The following ZAP70 variants were observed in gnomAD, a reference collection of about 807,000 sequenced individuals.
ZAP70 encodes tyrosine-protein kinase ZAP-70.
Under a neutral mutation model 65.8 loss-of-function variants are expected in ZAP70, and 27 were observed. That is an observed-to-expected ratio of 0.41 (90% CI 0.30 to 0.57). ZAP70 has a LOEUF of 0.57. Among genes scored for constraint, ZAP70 ranks in the 20% least tolerant of loss-of-function variants. The probability of loss-of-function intolerance (pLI) is 0.28; values close to 1 mark genes in which losing one functional copy is unlikely to be tolerated. For synonymous variants in ZAP70, 363 were observed against 360.8 expected (o/e 1.01, Z -0.07); for missense variants, 696 against 870.5 (o/e 0.80, Z 2.52).
chr2:97,723,944 C>T, intron 2 of ZAP70, 72 bp from the exon 3 acceptor site: 1 of 1,502,254 alleles, frequency 6.7e-7, no homozygotes, highest in Non-Finnish European at 8.9e-7. Flanking sequence ...GCGTCTCTCG[C>T]GCCGTCTTTG....
In ZAP70 at chr2:97,729,035, G is replaced by A. The variant is rs950021867; in HGVS notation, c.563+3783G>A. ...CCCAAATTGCTGGGATCACAGGCGTGAGCCACCGCGCCTGGCCTGTCAAGT... is the reference window on the plus strand; with the variant it reads ...CCCAAATTGCTGGGATCACAGGCGTAAGCCACCGCGCCTGGCCTGTCAAGT... On this transcript the variant is annotated intron_variant, in intron 4 of 13. Coordinates refer to ENST00000264972, the MANE Select transcript of ZAP70 (RefSeq NM_001079.4). 2.0e-5 allele frequency among the ~76,000 whole-genome samples: 3 copies of A among 152,220 alleles called. No individual in the cohort carries two copies. In the East Asian group the frequency reaches 5.8e-4, roughly 29 times the overall value.
Position 97,724,224 on chromosome 2 carries a change from G to T in ZAP70, c.188G>T (p.Arg63Leu), listed in dbSNP as rs1313032320. The change falls in exon 3 of 14, where the codon CGC becomes CTC. Residue 63 changes from arginine (R) to leucine (L), a missense_variant. This residue lies in a region of ZAP70 where 551 missense variants were observed against 630.0 expected (regional missense o/e 0.87). Coordinates refer to ENST00000264972, the MANE Select transcript of ZAP70 (RefSeq NM_001079.4). ...DVRFHHFPIERQLNGTYAIAG... is the reference protein window; with the variant it reads ...DVRFHHFPIELQLNGTYAIAG... ...CGCTTCCACCACTTTCCCATCGAGC[G>T]CCAGCTCAACGGCACCTACGCCATT... The T allele has an allele frequency of 3.7e-6, 6 of 1,601,624 alleles. No homozygotes were observed. Among genetic ancestry groups the T allele is most frequent in the Non-Finnish European group, 4.3e-6 (5 of 1,175,678 alleles).
At chr2:97,733,671 GT>G in intron 8 of ZAP70, 76 bp downstream of exon 8, 1 of 1,587,082 alleles carries the variant, frequency 6.3e-7, no homozygotes. Context: ...GGGCTGTGGG[GT>G]TTCACGGGGG....
Position 97,733,123 on chromosome 2 carries a change from A to G in ZAP70, c.703-2A>G. 6.2e-7 allele frequency: 1 copy of G among 1,613,982 alleles called. No individual in the cohort carries two copies. The highest frequency in any genetic ancestry group is 8.5e-7 in the Non-Finnish European group (1 of 1,180,018). On this transcript the variant is annotated splice_acceptor_variant, in intron 5 of 13. Transcript: ENST00000264972. LOFTEE classifies it high-confidence loss of function. ...TCTCTGCTAGCTGCCTGCTCCCTGC[A>G]GCTGGTGGAGTATCTGAAGCTGAAG...
intron 2 of ZAP70, among the ~76,000 whole-genome samples, chr2:97,719,063 G>T (rs1677059793): frequency 6.6e-6 from 1 of 152,160 alleles, no homozygotes; most frequent in East Asian, 1.9e-4. Flanking sequence ...AGCCATTAGG[G>T]TCTTGAGCAA....
chr2:97,753,888 C>A, the ZAP70 span, among the ~76,000 whole-genome samples: 1 of 152,164 alleles, frequency 6.6e-6, no homozygotes, highest in Non-Finnish European at 1.5e-5. Context: ...ACCTGGGAGA[C>A]TGAGGTGGGA....
At chr2:97,740,221 G>T (rs1459600876), downstream of ZAP70, among the ~76,000 whole-genome samples, 4 of 152,020 alleles carry the variant, frequency 2.6e-5, no homozygotes, top group Non-Finnish European at 5.9e-5. Flanking sequence ...CCCCCCCAGG[G>T]GTGCCTTGCA....
In ZAP70 at chr2:97,718,515, C is replaced by T. The variant is rs574223194; in HGVS notation, c.-22+4521C>T. The stretch of plus-strand genomic sequence containing the variant: ...GGTGGAAGAGGAGGCGCCCACCACC[C>T]GACCTGTGTGTGTGGGGTGGTGCTT... On this transcript the variant is annotated intron_variant, in intron 2 of 13. Transcript: ENST00000264972. Among the ~76,000 whole-genome samples, 52 of 152,216 alleles carry T rather than the reference C, an allele frequency of 3.4e-4. 1 individual carries two copies. The highest frequency in any genetic ancestry group is 3.4e-3 in the Middle Eastern group (1 of 294).
downstream of ZAP70, among the ~76,000 whole-genome samples, chr2:97,740,198 G>T (rs1678089983): frequency 6.6e-6 from 1 of 152,166 alleles, no homozygotes; most frequent in South Asian, 2.1e-4. Flanking sequence ...CCCCCATCCA[G>T]CTGGGGTCTT....
At chr2:97,741,394 C>T (rs996201023), downstream of ZAP70, among the ~76,000 whole-genome samples, 16 of 152,198 alleles carry the variant, frequency 1.1e-4, no homozygotes, top group Non-Finnish European at 2.1e-4. Flanking sequence ...AAAGCTCTCC[C>T]CGTCCCCACC....
intron 8 of ZAP70, chr2:97,733,862 G>A: frequency 1.7e-6 from 1 of 576,122 alleles, no homozygotes; most frequent in Non-Finnish European, 3.1e-6. Flanking sequence ...CCTACTATGT[G>A]TCAGTCACGT....
At chr2:97,755,012 A>G in the ZAP70 span, among the ~76,000 whole-genome samples, 24 of 152,376 alleles carry the variant, frequency 1.6e-4, no homozygotes, top group Non-Finnish European at 2.6e-4. Context: ...ATCACGCCAA[A>G]TAACATTTTG....
At chr2:97,755,605 C>CCAT in the ZAP70 span, among the ~76,000 whole-genome samples, 2 of 152,206 alleles carry the variant, frequency 1.3e-5, no homozygotes, top group East Asian at 1.9e-4. Context: ...TGTCTCCAAG[C>CCAT]CATCATTTAG....
chr2:97,714,412 AG>A (rs1342900055), intron 2 of ZAP70, among the ~76,000 whole-genome samples: 3 of 152,232 alleles, frequency 2.0e-5, no homozygotes, highest in Non-Finnish European at 4.4e-5. Flanking sequence ...AGTCCAGGGC[AG>A]GCTTGAGCCA....
intron 2 of ZAP70, among the ~76,000 whole-genome samples, chr2:97,716,389 A>C (rs1451229511): frequency 2.0e-5 from 3 of 152,064 alleles, no homozygotes; most frequent in Non-Finnish European, 4.4e-5. Context: ...CAAAGGCTCC[A>C]CTCCCGTGGT....
intron 4 of ZAP70, among the ~76,000 whole-genome samples, chr2:97,727,166 T>A (rs991656965): frequency 6.6e-6 from 1 of 152,266 alleles, no homozygotes; most frequent in Non-Finnish European, 1.5e-5. Context: ...TTGTGTAATG[T>A]CACTGATGTC....
At chr2:97,754,408 CTTTT>C in the ZAP70 span, among the ~76,000 whole-genome samples, 34 of 151,274 alleles carry the variant, frequency 2.2e-4, no homozygotes, top group African/African-American at 8.0e-4. Flanking sequence ...TTTTTCTTAT[CTTTT>C]TTTTTGAGAT....
At position 97,737,337 on chromosome 2, in the gene ZAP70, C is replaced by A; in HGVS notation, c.1290-136C>A. ...TGTGTCCCCAGCCCCACGCCTGGCACACAGCAGGTGCTCAATAAGCGTTTT... is the reference window on the plus strand; with the variant it reads ...TGTGTCCCCAGCCCCACGCCTGGCAAACAGCAGGTGCTCAATAAGCGTTTT... On this transcript the variant is annotated intron_variant, in intron 10 of 13. Transcript: ENST00000264972. The surrounding 1 kb of genome is among the most constrained non-coding windows in gnomAD (Gnocchi z 5.0). 1.1e-6 allele frequency: 1 copy of A among 878,386 alleles called. No individual in the cohort carries two copies. The highest frequency in any genetic ancestry group is 1.8e-6 in the Non-Finnish European group (1 of 543,748). The allele number at this position is 878,386 out of a possible 1,614,324, so 54.4% of individuals were successfully genotyped here. A position where few individuals can be genotyped will look rare whatever the true frequency, so the allele number is the denominator to read the frequency against.
Position 97,739,546 on chromosome 2 carries a change from C to T in ZAP70, c.*48C>T, listed in dbSNP as rs1411918610. 7.2e-5 allele frequency: 114 copies of T among 1,593,506 alleles called. No individual in the cohort carries two copies. Among genetic ancestry groups the T allele is most frequent in the Non-Finnish European group, 9.6e-5 (112 of 1,170,916 alleles). On this transcript the variant is annotated 3_prime_UTR_variant, in exon 14 of 14. Coordinates refer to ENST00000264972, the MANE Select transcript of ZAP70 (RefSeq NM_001079.4). ...CTCCACGCCGGCTCTTCCCCACCCT[C>T]AGCCCCACCCCAGGTCCTGCAGTCT...
Sources: allele counts gnomAD v4.1 joint callset (sites outside exome capture counted in the v4.1 genomes callset), GRCh38; gene constraint gnomAD v4.1.1; regional missense constraint gnomAD v4.1.1; non-coding constraint Gnocchi (gnomAD v3.1); transcripts MANE v1.5; gene names NCBI Gene and HGNC (gene_info 2026-07-23, HGNC 2026-07-21).